The following ANXA13 variants were observed in gnomAD, a reference collection of about 807,000 sequenced individuals.
The protein encoded by ANXA13 is annexin A13.
A neutral mutation model predicts 46.6 loss-of-function variants in ANXA13; 36 were observed. The observed-to-expected ratio is 0.77, with a 90% CI of 0.59 to 1.02. The LOEUF is 1.02. Among genes scored for constraint, ANXA13 ranks in the 50% least tolerant of loss-of-function variants. The pLI, the probability that ANXA13 is intolerant of heterozygous loss-of-function variation, is 0.00. For missense variants in ANXA13, 417 were observed against 396.5 expected (o/e 1.05, Z -0.44); for synonymous variants, 163 against 152.9 (o/e 1.07, Z -0.49).
chr8:123,707,612 G>T (rs113087146), intron 2 of ANXA13, among the ~76,000 whole-genome samples: 2 of 152,074 alleles, frequency 1.3e-5, no homozygotes, highest in African/African-American at 2.4e-5. Flanking sequence ...AGCAAACACT[G>T]CATGTTCTCA....
At chr8:123,713,633 C>T (rs1325268218) in intron 1 of ANXA13, among the ~76,000 whole-genome samples, 2 of 152,130 alleles carry the variant, frequency 1.3e-5, no homozygotes, top group Non-Finnish European at 2.9e-5. Context: ...TAGGAACACA[C>T]CCTGAGTTTC....
chr8:123,686,470 A>AAAG (rs1554591807), intron 9 of ANXA13, among the ~76,000 whole-genome samples: 84 of 148,836 alleles, frequency 5.6e-4, no homozygotes, highest in Non-Finnish European at 5.5e-4. Flanking sequence ...AAAAAAAAAA[A>AAAG]AAAGAAAGAA....
chr8:123,694,936 G>A (rs1185885412), intron 6 of ANXA13, among the ~76,000 whole-genome samples: 5 of 152,074 alleles, frequency 3.3e-5, no homozygotes, highest in South Asian at 2.1e-4. Flanking sequence ...AATGCACAGA[G>A]CTCGTAAAGA....
chr8:123,702,453 C>T (rs1273626551), intron 3 of ANXA13, among the ~76,000 whole-genome samples, 189 bp downstream of exon 3: 1 of 152,166 alleles, frequency 6.6e-6, no homozygotes, highest in African/African-American at 2.4e-5. Flanking sequence ...ATTTTACAGG[C>T]TATTGAGTTA....
chr8:123,731,758 C>T (rs1814123107), intron 1 of ANXA13, among the ~76,000 whole-genome samples: 1 of 152,112 alleles, frequency 6.6e-6, no homozygotes, highest in Non-Finnish European at 1.5e-5. Context: ...CCTGTGGTCC[C>T]AGCTACTTGG....
intron 2 of ANXA13, among the ~76,000 whole-genome samples, chr8:123,709,228 GT>G (rs1813606821): frequency 2.6e-5 from 4 of 152,150 alleles, no homozygotes; most frequent in Admixed American, 2.0e-4. Flanking sequence ...TGGGCTCTGC[GT>G]TGCCTGCTTT....
At chr8:123,695,971 CTCTT>C (rs1813328837) in intron 4 of ANXA13, among the ~76,000 whole-genome samples, 1 of 145,928 alleles carries the variant, frequency 6.9e-6, no homozygotes, top group Non-Finnish European at 1.5e-5. Context: ...TGCATGCATT[CTCTT>C]TCTTTAAATG....
intron 3 of ANXA13, among the ~76,000 whole-genome samples, chr8:123,701,611 A>T (rs951182407): frequency 2.0e-5 from 3 of 152,236 alleles, no homozygotes; most frequent in Non-Finnish European, 4.4e-5. Flanking sequence ...AGAGAAGCAG[A>T]AAAAGCACAA....
intron 4 of ANXA13, among the ~76,000 whole-genome samples, chr8:123,697,399 C>T (rs1813361074): frequency 6.6e-6 from 1 of 152,142 alleles, no homozygotes; most frequent in African/African-American, 2.4e-5. Context: ...GAAGCATCAT[C>T]CCAACCTGAG....
chr8:123,704,337 A>G lies in ANXA13; in HGVS notation c.92-1601T>C, dbSNP rs151311953. On this transcript the variant is annotated intron_variant, in intron 2 of 10. Transcript: ENST00000419625. ...TTACAGAAGAGGAAGCTGAGGCACA[A>G]TGCAGCACCTCTTCTCGGTTCCTGC... 4.9e-4 allele frequency among the ~76,000 whole-genome samples: 74 copies of G among 152,220 alleles called. No homozygotes were observed. The East Asian group carries it at 0.013, about 27-fold the overall frequency.
chr8:123,689,749 G>C (rs1283426254), intron 8 of ANXA13, among the ~76,000 whole-genome samples: 1 of 152,172 alleles, frequency 6.6e-6, no homozygotes, highest in African/African-American at 2.4e-5. Flanking sequence ...AAAGAGAAAG[G>C]AGAATGCTTT....
intron 1 of ANXA13, chr8:123,729,276 C>A (rs1413304544): frequency 6.6e-6 from 1 of 152,178 alleles, no homozygotes; most frequent in Non-Finnish European, 1.5e-5. Context: ...TCACCAGCCC[C>A]TTTTGCTTCC....
intron 2 of ANXA13, among the ~76,000 whole-genome samples, chr8:123,709,515 C>G (rs1586327570): frequency 6.6e-6 from 1 of 152,044 alleles, no homozygotes; most frequent in Admixed American, 6.6e-5. Flanking sequence ...CGCATTGATG[C>G]CTGAGGTTGC....
chr8:123,715,336 G>T (rs572400698), intron 1 of ANXA13, among the ~76,000 whole-genome samples: 2 of 152,202 alleles, frequency 1.3e-5, no homozygotes, highest in Non-Finnish European at 2.9e-5. Context: ...TGAAGGAGCT[G>T]GTCCTCTAAG....
chr8:123,684,972 G>A (rs925593546), intron 9 of ANXA13, among the ~76,000 whole-genome samples: 2 of 152,180 alleles, frequency 1.3e-5, no homozygotes, highest in African/African-American at 2.4e-5. Context: ...TGGCATCCTC[G>A]GGCCCTCCCG....
intron 1 of ANXA13, among the ~76,000 whole-genome samples, chr8:123,734,309 G>A (rs142509337): frequency 2.6e-5 from 4 of 152,140 alleles, no homozygotes; most frequent in Non-Finnish European, 5.9e-5. Flanking sequence ...CCAGACAATA[G>A]AAGAGTCATC....
chr8:123,702,800 G>T, intron 2 of ANXA13, 64 bp from the exon 3 acceptor site: 1 of 1,482,502 alleles, frequency 6.7e-7, no homozygotes. Context: ...GTTTATTTTA[G>T]TCCAGGGTGA....
intron 9 of ANXA13, 71 bp from the exon 10 acceptor site, chr8:123,684,793 A>T (rs1352218134): frequency 3.5e-6 from 4 of 1,129,246 alleles, no homozygotes; most frequent in Non-Finnish European, 5.4e-6. Context: ...ACCCCCCTAA[A>T]TGTCACCTGG....
In ANXA13 at chr8:123,698,614, G is replaced by C. The variant is rs559407012; in HGVS notation, c.187-55C>G. The C allele has an allele frequency of 1.4e-5, 22 of 1,575,358 alleles. 1 individual carries two copies. The South Asian group carries it at 2.0e-4, about 15-fold the overall frequency. ...GAATGGCCCAGGAGGAGAGGGGCAGGTGTCTGCTTGCACTATTGCAAGTGC... is the reference window on the plus strand; with the variant it reads ...GAATGGCCCAGGAGGAGAGGGGCAGCTGTCTGCTTGCACTATTGCAAGTGC... On this transcript the variant is annotated intron_variant, in intron 3 of 10. Coordinates refer to ENST00000419625, the MANE Select transcript of ANXA13 (RefSeq NM_004306.4).
Sources: gnomAD v4.1 joint callset for allele counts (sites outside exome capture counted in the v4.1 genomes callset) on GRCh38, gnomAD v4.1.1 for gene constraint, MANE v1.5 for transcripts, NCBI Gene and HGNC (gene_info 2026-07-23, HGNC 2026-07-21) for gene names.